The following RARS2 variants were observed in gnomAD, a reference collection of about 807,000 sequenced individuals.
The protein encoded by RARS2 is probable arginine--tRNA ligase, mitochondrial.
In RARS2, 67 loss-of-function variants were observed where a neutral mutation model predicts 88.5. That is an observed-to-expected ratio of 0.76 (90% CI 0.62 to 0.93). RARS2 has a LOEUF of 0.93. RARS2 is among the 40% of genes least tolerant of loss of function. RARS2 has a pLI of 0.00. For missense variants in RARS2, 664 were observed against 684.2 expected, an observed-to-expected ratio of 0.97 and a Z score of 0.33; for synonymous variants, 239 against 230.3, an observed-to-expected ratio of 1.04 and a Z score of -0.34.
chr6:87,517,542 C>T (rs546578766), intron 17 of RARS2, among the ~76,000 whole-genome samples: 33 of 152,266 alleles, frequency 2.2e-4, no homozygotes, highest in African/African-American at 7.2e-4. Flanking sequence ...CCGTACATTC[C>T]CTATTGTACA....
intron 2 of RARS2, 101 bp downstream of exon 2, chr6:87,569,416 C>A: frequency 1.1e-6 from 1 of 874,598 alleles, no homozygotes; most frequent in Non-Finnish European, 1.9e-6. Context: ...ATTTCAAGGA[C>A]TATTCCACAA....
chr6:87,531,437 A>T (rs28385570), intron 8 of RARS2, among the ~76,000 whole-genome samples: 9,389 of 152,298 alleles, frequency 0.062, 348 homozygotes, highest in African/African-American at 0.11. Context: ...TGGCAAAGAA[A>T]CAGCTAACGG....
At chr6:87,533,519 G>C (rs1459356717) in intron 8 of RARS2, among the ~76,000 whole-genome samples, 1 of 152,072 alleles carries the variant, frequency 6.6e-6, no homozygotes, top group Non-Finnish European at 1.5e-5. Context: ...AGATAAAAAG[G>C]CAATTTTAAA....
intron 13 of RARS2, 62 bp downstream of exon 13, chr6:87,520,118 C>G (rs933016448): frequency 2.2e-6 from 3 of 1,345,532 alleles, no homozygotes; most frequent in Non-Finnish European, 1.1e-6. Flanking sequence ...ACTTTAACCA[C>G]TAGGTACATT....
intron 1 of RARS2, among the ~76,000 whole-genome samples, chr6:87,587,549 G>A (rs1417920282): frequency 2.0e-5 from 3 of 152,066 alleles, no homozygotes; most frequent in Non-Finnish European, 2.9e-5. Context: ...ACAGTATATA[G>A]GAAAGATCTA....
chr6:87,526,806 G>A (rs920728767), intron 10 of RARS2, among the ~76,000 whole-genome samples: 2 of 151,568 alleles, frequency 1.3e-5, no homozygotes, highest in South Asian at 2.1e-4. Context: ...AAGTAGCTGG[G>A]ATTACAGGCA....
At chr6:87,556,312 ATTT>A (rs1449491538) in intron 4 of RARS2, among the ~76,000 whole-genome samples, 3 of 151,908 alleles carry the variant, frequency 2.0e-5, no homozygotes, top group African/African-American at 7.3e-5. Flanking sequence ...TTTTACTTTT[ATTT>A]TTATATTTTT....
chr6:87,520,459 A>G (rs1773478872), intron 12 of RARS2, among the ~76,000 whole-genome samples: 1 of 152,274 alleles, frequency 6.6e-6, no homozygotes, highest in Admixed American at 6.5e-5. Context: ...AGAGCCATAC[A>G]ACTCCACCGA....
At chr6:87,574,503 T>C (rs1452828001) in intron 1 of RARS2, among the ~76,000 whole-genome samples, 1 of 152,040 alleles carries the variant, frequency 6.6e-6, no homozygotes, top group Non-Finnish European at 1.5e-5. Context: ...GGCAGAGCTG[T>C]CAAGCATGAG....
chr6:87,535,995 T>C (rs1473066413), intron 8 of RARS2, among the ~76,000 whole-genome samples: 1 of 152,136 alleles, frequency 6.6e-6, no homozygotes, highest in African/African-American at 2.4e-5. Context: ...TATGTAACCT[T>C]TTTTAATGTC....
intron 10 of RARS2, among the ~76,000 whole-genome samples, chr6:87,527,657 T>C (rs1239442612): frequency 2.0e-5 from 3 of 152,036 alleles, no homozygotes; most frequent in African/African-American, 7.2e-5. Context: ...AACATGTATC[T>C]GGTAAGGGGT....
Position 87,514,382 on chromosome 6 carries a change from C to T in RARS2, c.*31G>A. ...TCTCAGAATAGATAACTAGAATTCACTTGACATTTTAAAAGCCATTTTAAT... is the reference window on the plus strand; with the variant it reads ...TCTCAGAATAGATAACTAGAATTCATTTGACATTTTAAAAGCCATTTTAAT... On this transcript the variant is annotated 3_prime_UTR_variant, in exon 20 of 20. Transcript: ENST00000369536. The T allele has an allele frequency of 1.4e-6, 2 of 1,438,882 alleles. No individual in the cohort carries two copies. Among genetic ancestry groups the T allele is most frequent in the South Asian group, 1.1e-5 (1 of 87,516 alleles). The allele number at this position is 1,438,882 out of a possible 1,614,324, so 89.1% of individuals were successfully genotyped here. A position where few individuals can be genotyped will look rare whatever the true frequency, so the allele number is the denominator to read the frequency against.
Position 87,517,438 on chromosome 6 carries a change from G to A in RARS2, c.1512-558C>T, listed in dbSNP as rs369678713. Among the ~76,000 whole-genome samples, 76 of 152,298 alleles carry A rather than the reference G, an allele frequency of 5.0e-4. 1 individual carries two copies. Among genetic ancestry groups the A allele is most frequent in the African/African-American group, 1.8e-3 (75 of 41,540 alleles). On this transcript the variant is annotated intron_variant, in intron 17 of 19. Transcript: ENST00000369536. Reference sequence around the variant, plus strand: ...AGCAAAAACTTAAATCATGGCTGGTGAATGTAAAAAGCCTCCAGCCATGTT... The same window carrying A: ...AGCAAAAACTTAAATCATGGCTGGTAAATGTAAAAAGCCTCCAGCCATGTT...
chr6:87,527,962 G>A (rs1011864070), intron 10 of RARS2, among the ~76,000 whole-genome samples: 4 of 151,940 alleles, frequency 2.6e-5, no homozygotes, highest in South Asian at 2.1e-4. Context: ...TGGATGCTGG[G>A]CTTAACACTT....
intron 8 of RARS2, among the ~76,000 whole-genome samples, chr6:87,533,037 T>C (rs993240905): frequency 6.6e-6 from 1 of 152,182 alleles, no homozygotes; most frequent in African/African-American, 2.4e-5. Context: ...CATACATACA[T>C]GTGCACACAA....
intron 1 of RARS2, among the ~76,000 whole-genome samples, chr6:87,571,211 C>G (rs968972972): frequency 2.0e-5 from 3 of 152,098 alleles, no homozygotes; most frequent in African/African-American, 7.2e-5. Context: ...TTAGTTCTCA[C>G]GAGATCTGAT....
chr6:87,562,481 G>A (rs1437633032), intron 4 of RARS2, among the ~76,000 whole-genome samples: 2 of 152,170 alleles, frequency 1.3e-5, no homozygotes, highest in African/African-American at 4.8e-5. Context: ...TGCTATGAGA[G>A]CATATAAATG....
Position 87,562,776 on chromosome 6 carries a change from C to G in RARS2, c.223G>C (p.Asp75His). ...GTACTGATTTCACTCACCACTGTAT[C>G]ACATCTTAGCTGAAAAGAACAAATC... is the stretch of plus-strand genomic sequence containing the variant. Reference protein sequence around the residue: ...AKRLAEKLRCDTVVSEISTGQ... With the variant: ...AKRLAEKLRCHTVVSEISTGQ... The change falls in exon 4 of 20, where the codon GAT becomes CAT. Residue 75 changes from aspartate to histidine, a missense_variant. By Grantham distance (81) the Asp-to-His change is moderately conservative (BLOSUM62 -1). Coordinates refer to ENST00000369536, the MANE Select transcript of RARS2 (RefSeq NM_020320.5). 6.2e-7 allele frequency: 1 copy of G among 1,612,710 alleles called. No homozygotes were observed. Among genetic ancestry groups the G allele is most frequent in the Non-Finnish European group, 8.5e-7 (1 of 1,178,800 alleles).
chr6:87,535,285 A>G (rs1010131309), intron 8 of RARS2, among the ~76,000 whole-genome samples: 2 of 152,228 alleles, frequency 1.3e-5, no homozygotes, highest in African/African-American at 4.8e-5. Flanking sequence ...ATGAGAATTT[A>G]GTCTTGAATT....
Sources: allele counts gnomAD v4.1 joint callset (sites outside exome capture counted in the v4.1 genomes callset), GRCh38; gene constraint gnomAD v4.1.1; transcripts MANE v1.5; gene names NCBI Gene and HGNC (gene_info 2026-07-23, HGNC 2026-07-21).